Variants in TUSC3 observed in about 807,000 individuals in gnomAD.
TUSC3 encodes tumor suppressor candidate 3, also known as dolichyl-diphosphooligosaccharide--protein glycosyltransferase subunit TUSC3.
Under a neutral mutation model 44.8 loss-of-function variants are expected in TUSC3, and 45 were observed. The observed-to-expected ratio is 1.00, with a 90% confidence interval of 0.79 to 1.29. The LOEUF (loss-of-function observed/expected upper bound fraction) is 1.29, where lower values mean the gene tolerates loss of function less well. TUSC3 is among the 50% of genes most tolerant of loss of function. TUSC3 has a pLI of 0.00. For missense variants in TUSC3, 519 were observed against 437.9 expected (o/e 1.19, Z -1.65); for synonymous variants, 212 against 152.9 (o/e 1.39, Z -2.85).
At chr8:15,563,948 A>C (rs190266700) in intron 1 of TUSC3, among the ~76,000 whole-genome samples, 50 of 152,222 alleles carry the variant, frequency 3.3e-4, no homozygotes, top group African/African-American at 1.1e-3. Flanking sequence ...TTAAAATTCA[A>C]AGTTAAATTT....
chr8:15,766,825 G>A (rs1472477094), downstream of TUSC3, among the ~76,000 whole-genome samples: 5 of 152,114 alleles, frequency 3.3e-5, no homozygotes, highest in Non-Finnish European at 7.4e-5. Context: ...CGTGAAGGGA[G>A]TGGTTATTCT....
intron 1 of TUSC3, among the ~76,000 whole-genome samples, chr8:15,479,398 A>G (rs542688750): frequency 1.5e-3 from 227 of 152,104 alleles, no homozygotes; most frequent in Non-Finnish European, 2.8e-3. Flanking sequence ...ATTTTCTTCT[A>G]GGGTTTTTAT....
At chr8:15,739,980 A>C (rs1010996099) in intron 7 of TUSC3, among the ~76,000 whole-genome samples, 15 of 152,328 alleles carry the variant, frequency 9.8e-5, no homozygotes, top group African/African-American at 3.4e-4. Flanking sequence ...AAGATAGTGA[A>C]TAAAACAAAG....
chr8:15,603,508 C>T (rs1377360721), intron 1 of TUSC3, among the ~76,000 whole-genome samples: 1 of 151,488 alleles, frequency 6.6e-6, no homozygotes, highest in Non-Finnish European at 1.5e-5. Flanking sequence ...TGAATGAAGC[C>T]TGTGTACTTC....
chr8:15,848,499 C>A, the TUSC3 span, among the ~76,000 whole-genome samples: 1 of 152,148 alleles, frequency 6.6e-6, no homozygotes. Flanking sequence ...GGAGCATGTA[C>A]AGAACAGACC....
the TUSC3 span, among the ~76,000 whole-genome samples, chr8:15,836,336 A>AAT: frequency 6.6e-6 from 1 of 151,062 alleles, no homozygotes; most frequent in East Asian, 1.9e-4. Context: ...AAAAAAAAAA[A>AAT]TTGCGCTGGC....
At chr8:15,567,947 C>T (rs964288372) in intron 1 of TUSC3, among the ~76,000 whole-genome samples, 2 of 152,134 alleles carry the variant, frequency 1.3e-5, no homozygotes, top group African/African-American at 4.8e-5. Flanking sequence ...TTTTTGTCCT[C>T]TGTAGGCCTC....
intron 1 of TUSC3, among the ~76,000 whole-genome samples, chr8:15,419,584 G>A (rs138707531): frequency 3.9e-5 from 6 of 152,124 alleles, no homozygotes; most frequent in East Asian, 1.9e-4. Flanking sequence ...ACGGTTATAC[G>A]TGTGTGAAAA....
the TUSC3 span, chr8:15,806,889 A>C: frequency 8.1e-7 from 1 of 1,237,608 alleles, no homozygotes; most frequent in Non-Finnish European, 1.2e-6. Context: ...GGGAGAAAGT[A>C]AGACGCTTAC....
At chr8:15,670,532 A>G (rs1454775231) in intron 5 of TUSC3, among the ~76,000 whole-genome samples, 1 of 151,888 alleles carries the variant, frequency 6.6e-6, no homozygotes, top group Admixed American at 6.6e-5. Context: ...CTCCCACCAT[A>G]CACAAGAGGA....
At chr8:15,668,974 C>G (rs1563163444) in intron 5 of TUSC3, among the ~76,000 whole-genome samples, 1 of 151,656 alleles carries the variant, frequency 6.6e-6, no homozygotes, top group Non-Finnish European at 1.5e-5. Flanking sequence ...TTCTAAAAAG[C>G]AGAGTAGAGT....
intron 6 of TUSC3, among the ~76,000 whole-genome samples, chr8:15,683,555 C>A (rs1039839852): frequency 3.9e-5 from 6 of 152,078 alleles, no homozygotes; most frequent in African/African-American, 1.4e-4. Context: ...GCTTTTCTGA[C>A]TTCCTTGGAT....
At chr8:15,514,020 G>A (rs554298900) in intron 2 of TUSC3, among the ~76,000 whole-genome samples, 4 of 152,146 alleles carry the variant, frequency 2.6e-5, no homozygotes, top group Non-Finnish European at 4.4e-5. Context: ...CAGCCTAAAG[G>A]AACATAACCA....
chr8:15,600,181 C>G (rs1024581139), intron 1 of TUSC3, among the ~76,000 whole-genome samples: 2 of 151,706 alleles, frequency 1.3e-5, no homozygotes, highest in Admixed American at 1.3e-4. Context: ...CTATAAAATT[C>G]TAATTCATTT....
At chr8:15,705,222 A>G (rs148825776) in intron 6 of TUSC3, among the ~76,000 whole-genome samples, 100 of 152,092 alleles carry the variant, frequency 6.6e-4, no homozygotes, top group Non-Finnish European at 1.1e-3. Context: ...TGATGATGAA[A>G]GGAAGCACTG....
intron 4 of TUSC3, among the ~76,000 whole-genome samples, chr8:15,660,556 A>G (rs998723599): frequency 2.0e-5 from 3 of 151,942 alleles, no homozygotes; most frequent in Non-Finnish European, 4.4e-5. Flanking sequence ...TTTTAAAAGT[A>G]CGTTCGTGCA....
chr8:15,781,495 G>T, the TUSC3 span, among the ~76,000 whole-genome samples: 1 of 152,038 alleles, frequency 6.6e-6, no homozygotes, highest in South Asian at 2.1e-4. Flanking sequence ...AAAGCAACTT[G>T]TTACATACAA....
chr8:15,443,536 C>T (rs920611926), intron 1 of TUSC3, among the ~76,000 whole-genome samples: 13 of 152,064 alleles, frequency 8.5e-5, no homozygotes, highest in South Asian at 4.2e-4. Flanking sequence ...CTAAATTAAC[C>T]GAATCCATCT....
chr8:15,832,416 C>T, the TUSC3 span, among the ~76,000 whole-genome samples: 105 of 152,216 alleles, frequency 6.9e-4, 1 homozygote, highest in East Asian at 0.018. Context: ...ATGACAGGAT[C>T]AAATCCACAT....
Sources: allele counts gnomAD v4.1 joint callset (sites outside exome capture counted in the v4.1 genomes callset), GRCh38; gene constraint gnomAD v4.1.1; transcripts MANE v1.5; gene names NCBI Gene and HGNC (gene_info 2026-07-23, HGNC 2026-07-21).